FOXP2: variants seen among roughly 807,000 people sequenced by gnomAD.
The protein encoded by FOXP2 is forkhead box protein P2.
In FOXP2, 12 loss-of-function variants were observed where a neutral mutation model predicts 115.8. The observed-to-expected ratio is 0.10, with a 90% CI of 0.07 to 0.17. The LOEUF is 0.17. FOXP2 is among the 10% of genes least tolerant of loss of function. The probability of loss-of-function intolerance (pLI) is 1.00; values close to 1 mark genes in which losing one functional copy is unlikely to be tolerated. For synonymous variants in FOXP2, 328 were observed against 297.7 expected (o/e 1.10, Z -1.05); for missense variants, 629 against 843.5 (o/e 0.75, Z 3.15).
intron 2 of FOXP2, among the ~76,000 whole-genome samples, chr7:114,460,920 TC>T (rs1795531975): frequency 6.6e-6 from 1 of 152,184 alleles, no homozygotes; most frequent in African/African-American, 2.4e-5. Flanking sequence ...TCATATTTCT[TC>T]CTCTATCCGA....
At chr7:114,147,588 A>T (rs1792411301) in intron 1 of FOXP2, among the ~76,000 whole-genome samples, 1 of 152,164 alleles carries the variant, frequency 6.6e-6, no homozygotes, top group African/African-American at 2.4e-5. Flanking sequence ...GTCCATGTTT[A>T]TATTTGTATG....
At chr7:114,390,514 T>TTATGTATGTATGTATGTATG (rs1554382701) in intron 2 of FOXP2, among the ~76,000 whole-genome samples, 4 of 129,384 alleles carry the variant, frequency 3.1e-5, no homozygotes, top group Admixed American at 2.2e-4. Flanking sequence ...TACTTTTGTT[T>TTATGTATGTATGTATGTATG]TATTTATGTA....
chr7:114,425,846 G>T (rs1793821424), intron 1 of FOXP2, among the ~76,000 whole-genome samples: 1 of 151,556 alleles, frequency 6.6e-6, no homozygotes, highest in African/African-American at 2.4e-5. Flanking sequence ...AAAAATAAAT[G>T]AATATGAGCT....
chr7:114,436,495 T>C lies in FOXP2; in HGVS notation c.168+9816T>C, dbSNP rs913265376. 5.3e-5 allele frequency among the ~76,000 whole-genome samples: 8 copies of C among 151,206 alleles called. No individual in the cohort carries two copies. In the East Asian group the frequency reaches 1.2e-3, roughly 22 times the overall value. ...TGTAATTATTTTAGGAGTAAAATTA[T>C]TGATATAAAATTCTTAGCAAATTTA... On this transcript the variant is annotated intron_variant, in intron 2 of 16. Coordinates refer to ENST00000350908, the MANE Select transcript of FOXP2 (RefSeq NM_014491.4).
At chr7:114,403,974 T>C (rs1248040061) in intron 2 of FOXP2, among the ~76,000 whole-genome samples, 2 of 152,184 alleles carry the variant, frequency 1.3e-5, no homozygotes, top group Non-Finnish European at 2.9e-5. Flanking sequence ...TGACCCTCTT[T>C]TCTTCTGCCC....
chr7:114,267,813 A>G (rs1162860330), intron 1 of FOXP2, among the ~76,000 whole-genome samples: 1 of 150,646 alleles, frequency 6.6e-6, no homozygotes, highest in African/African-American at 2.4e-5. Context: ...TAAAACATTT[A>G]TCATTTTAAC....
intron 2 of FOXP2, among the ~76,000 whole-genome samples, chr7:114,325,842 TA>T (rs1009887248): frequency 8.5e-5 from 13 of 152,058 alleles, no homozygotes; most frequent in East Asian, 1.9e-4. Flanking sequence ...ATGCTATGTA[TA>T]AAAAAAATTT....
chr7:114,229,123 CTT>C (rs1794810826), intron 1 of FOXP2, among the ~76,000 whole-genome samples: 1 of 150,994 alleles, frequency 6.6e-6, no homozygotes, highest in Non-Finnish European at 1.5e-5. Context: ...ACCAGATAGA[CTT>C]TAAGTCAAGC....
chr7:114,105,639 T>C (rs1031529948), intron 1 of FOXP2, among the ~76,000 whole-genome samples: 2 of 152,032 alleles, frequency 1.3e-5, no homozygotes, highest in Admixed American at 6.6e-5. Flanking sequence ...TCCTTCAGTT[T>C]CCCTTGAGAA....
Position 114,147,494 on chromosome 7 carries a change from C to T in FOXP2, c.-246-15450C>T, listed in dbSNP as rs566522175. ...CCCTTGATCCTCTGAGCAACCATCA[C>T]CCCCAGAGAAGCAAGCTTAGGCTGG... On this transcript the variant is annotated intron_variant, in intron 1 of 19. Transcript: ENST00000635638. Among the ~76,000 whole-genome samples the T allele has an allele frequency of 3.0e-4, 45 of 152,196 alleles. 1 individual carries two copies. The Middle Eastern group carries it at 0.014, about 46-fold the overall frequency.
intron 1 of FOXP2, among the ~76,000 whole-genome samples, chr7:114,244,769 C>CTT (rs145190615): frequency 5.7e-4 from 86 of 149,658 alleles, no homozygotes; most frequent in African/African-American, 2.0e-3. Context: ...ATAGTGTTTT[C>CTT]TTTTTTTTTT....
rs551512067 is a variant in FOXP2 at position 114,223,471 on chromosome 7, C to A, written c.-102+60383C>A. 2.8e-3 allele frequency among the ~76,000 whole-genome samples: 410 copies of A among 145,772 alleles called. 1 individual carries two copies. Among genetic ancestry groups the A allele is most frequent in the African/African-American group, 9.4e-3 (375 of 39,988 alleles). On this transcript the variant is annotated intron_variant, in intron 1 of 17. Transcript: ENST00000634411. ...TGTTGCATATTGATTTGAAGGAATTCTTTATATATTATATACATTATATAT... is the reference window on the plus strand; with the variant it reads ...TGTTGCATATTGATTTGAAGGAATTATTTATATATTATATACATTATATAT...
At chr7:114,093,736 T>C (rs575507041) in intron 1 of FOXP2, among the ~76,000 whole-genome samples, 1 of 152,234 alleles carries the variant, frequency 6.6e-6, no homozygotes, top group East Asian at 1.9e-4. Context: ...TACTTCAAGT[T>C]CCATTTTCTA....
intron 2 of FOXP2, chr7:114,498,987 C>T: frequency 1.4e-6 from 1 of 715,962 alleles, no homozygotes. Context: ...CCTGGACCAG[C>T]AGCAACAGCA....
chr7:114,386,593 C>T (rs1228921820), intron 2 of FOXP2, among the ~76,000 whole-genome samples: 1 of 152,150 alleles, frequency 6.6e-6, no homozygotes, highest in Non-Finnish European at 1.5e-5. Context: ...TTGTCTTTCA[C>T]TATTTTTGGT....
intron 3 of FOXP2, among the ~76,000 whole-genome samples, chr7:114,564,116 A>G (rs1361919991): frequency 1.3e-5 from 2 of 152,186 alleles, no homozygotes; most frequent in East Asian, 3.9e-4. Flanking sequence ...CCTGATCTGC[A>G]AAACTCTTCG....
chr7:114,216,739 T>C (rs1794494272), intron 1 of FOXP2, among the ~76,000 whole-genome samples: 1 of 152,154 alleles, frequency 6.6e-6, no homozygotes, highest in Middle Eastern at 3.2e-3. Context: ...TTCAATTTTG[T>C]GGATCATTAT....
chr7:114,096,056 T>A (rs138616602), intron 1 of FOXP2, among the ~76,000 whole-genome samples: 130 of 152,306 alleles, frequency 8.5e-4, no homozygotes, highest in African/African-American at 3.1e-3. Flanking sequence ...GTTTTTTCCC[T>A]ACTTTGCTTT....
At chr7:114,408,445 G>A (rs1793084165) in intron 2 of FOXP2, among the ~76,000 whole-genome samples, 1 of 152,026 alleles carries the variant, frequency 6.6e-6, no homozygotes, top group South Asian at 2.1e-4. Flanking sequence ...ATAATGAATG[G>A]GCCAGGCGCA....
Sources: allele counts gnomAD v4.1 joint callset (sites outside exome capture counted in the v4.1 genomes callset), GRCh38; gene constraint gnomAD v4.1.1; transcripts MANE v1.5; gene names NCBI Gene and HGNC (gene_info 2026-07-23, HGNC 2026-07-21).